The following RPS6KA2 variants were observed in gnomAD, a reference collection of about 807,000 sequenced individuals.
RPS6KA2 encodes ribosomal protein S6 kinase A2.
Under a neutral mutation model 91.8 loss-of-function variants are expected in RPS6KA2, and 42 were observed. The ratio of observed to expected loss-of-function variants is 0.46; its 90% confidence interval spans 0.36 to 0.59. The LOEUF is 0.59. Among genes scored for constraint, RPS6KA2 ranks in the 20% least tolerant of loss-of-function variants. The pLI is 0.00. For synonymous variants in RPS6KA2, 414 were observed against 393.6 expected, an observed-to-expected ratio of 1.05 and a Z score of -0.61; for missense variants, 798 against 978.5, an observed-to-expected ratio of 0.82 and a Z score of 2.46.
intron 2 of RPS6KA2, among the ~76,000 whole-genome samples, chr6:166,833,381 T>G (rs1780235787): frequency 6.6e-6 from 1 of 152,258 alleles, no homozygotes; most frequent in Non-Finnish European, 1.5e-5. Context: ...CTAGAGTTTA[T>G]GTTTTTCTAA....
chr6:166,561,885 C>A (rs543858632), intron 1 of RPS6KA2, among the ~76,000 whole-genome samples: 3 of 152,240 alleles, frequency 2.0e-5, no homozygotes, highest in East Asian at 1.9e-4. Flanking sequence ...TACCAAACAG[C>A]ATGAGGGAGG....
chr6:166,491,425 T>A (rs1186515802), intron 8 of RPS6KA2, among the ~76,000 whole-genome samples: 3 of 152,188 alleles, frequency 2.0e-5, no homozygotes, highest in Admixed American at 1.3e-4. Context: ...ACACACACTC[T>A]GGAAGCAGTG....
Position 166,434,025 on chromosome 6 carries a change from G to A in RPS6KA2, c.1333-1535C>T, listed in dbSNP as rs747766518. 1.2e-4 allele frequency among the ~76,000 whole-genome samples: 18 copies of A among 152,158 alleles called. No individual in the cohort carries two copies. The highest frequency in any genetic ancestry group is 1.3e-4 in the Non-Finnish European group (9 of 68,016). On this transcript the variant is annotated intron_variant, in intron 14 of 20. Coordinates refer to ENST00000265678, the MANE Select transcript of RPS6KA2 (RefSeq NM_021135.6). This position sits in a 1 kb window ranked among gnomAD's most constrained non-coding sequence, Gnocchi z 4.4. ...TCCTCCTGCCTCAGCCTCCCAAAGT[G>A]CTGAGATTACAGGCATGAGCAACTA...
intron 14 of RPS6KA2, among the ~76,000 whole-genome samples, chr6:166,440,864 C>T (rs538256864): frequency 6.6e-6 from 1 of 152,258 alleles, no homozygotes; most frequent in South Asian, 2.1e-4. Context: ...CAAGTGCCGC[C>T]GGTGAGTATT....
At chr6:166,413,737 G>A in intron 20 of RPS6KA2, 57 bp downstream of exon 20, 1 of 1,579,150 alleles carries the variant, frequency 6.3e-7, no homozygotes, top group South Asian at 1.1e-5. Flanking sequence ...AAGGTATCAG[G>A]CTCTTTTCTG....
intron 2 of RPS6KA2, among the ~76,000 whole-genome samples, chr6:166,741,863 G>A (rs1487205567): frequency 2.6e-5 from 4 of 152,162 alleles, no homozygotes; most frequent in South Asian, 2.1e-4. Flanking sequence ...GCAGTGGCTC[G>A]CACCTGTAAT....
intron 16 of RPS6KA2, among the ~76,000 whole-genome samples, chr6:166,429,411 C>T (rs1193647855): frequency 1.3e-5 from 2 of 151,898 alleles, no homozygotes; most frequent in Non-Finnish European, 2.9e-5. Context: ...ACATTGTGCA[C>T]ATGTACCTAA....
chr6:166,556,416 C>T (rs899578966), intron 1 of RPS6KA2, among the ~76,000 whole-genome samples: 16 of 152,204 alleles, frequency 1.1e-4, no homozygotes, highest in African/African-American at 7.2e-5. Context: ...ATTCCCATAG[C>T]CACTGAAAGA....
rs543096080 is a variant in RPS6KA2, at chr6:166,637,984, G to C, written c.124-99200C>G. 2.6e-5 allele frequency among the ~76,000 whole-genome samples: 4 copies of C among 152,358 alleles called. No individual in the cohort carries two copies. In the East Asian group the frequency reaches 7.7e-4, roughly 29 times the overall value. On this transcript the variant is annotated intron_variant, in intron 2 of 21. Coordinates refer to the RPS6KA2 transcript ENST00000503859. ...GAACACTGGCGCTAAGCAGGGGGCC[G>C]GGAGCGTGGGAAATCCTCTGGGAGT...
At position 166,647,850 on chromosome 6, in the gene RPS6KA2, G is replaced by A. The variant is rs1396697448; in HGVS notation, c.124-109066C>T. ...CATGCACATGCTCACACACGCACAC[G>A]CACATGCTCATACACACATGCACAT... On this transcript the variant is annotated intron_variant, in intron 2 of 21. Coordinates refer to the RPS6KA2 transcript ENST00000503859. 3.3e-4 allele frequency among the ~76,000 whole-genome samples: 23 copies of A among 68,900 alleles called. 1 individual carries two copies. Among genetic ancestry groups the A allele is most frequent in the East Asian group, 1.0e-3 (2 of 2,000 alleles). The allele number at this position is 68,900 out of a possible 152,430, so 45.2% of individuals were successfully genotyped here. A position where few individuals can be genotyped will look rare whatever the true frequency, so the allele number is the denominator to read the frequency against.
chr6:166,617,386 C>A (rs1026899696), intron 1 of RPS6KA2, among the ~76,000 whole-genome samples: 2 of 152,012 alleles, frequency 1.3e-5, no homozygotes, highest in Non-Finnish European at 2.9e-5. Context: ...CAAAGTTGTT[C>A]GGGGATTTTT....
At chr6:166,663,131 T>C (rs1443321237) in intron 2 of RPS6KA2, among the ~76,000 whole-genome samples, 9 of 152,110 alleles carry the variant, frequency 5.9e-5, no homozygotes, top group Admixed American at 5.9e-4. Context: ...AGCAGACTAA[T>C]ATGTTAACAG....
chr6:166,687,559 T>C (rs1789063220), intron 2 of RPS6KA2, among the ~76,000 whole-genome samples: 1 of 152,156 alleles, frequency 6.6e-6, no homozygotes, highest in African/African-American at 2.4e-5. Flanking sequence ...GACTGAAGAA[T>C]TCAACTATTG....
At chr6:166,801,856 G>C (rs946960059) in intron 2 of RPS6KA2, among the ~76,000 whole-genome samples, 1 of 151,988 alleles carries the variant, frequency 6.6e-6, no homozygotes, top group Non-Finnish European at 1.5e-5. Flanking sequence ...TGTGTGAATG[G>C]TTTATAATTG....
chr6:166,771,720 G>A (rs150897609), intron 2 of RPS6KA2, among the ~76,000 whole-genome samples: 24 of 152,312 alleles, frequency 1.6e-4, no homozygotes, highest in Non-Finnish European at 2.9e-4. Context: ...TGCCCCTACT[G>A]ATGACTGCGG....
chr6:166,435,559 G>A lies in RPS6KA2; in HGVS notation c.1333-3069C>T, dbSNP rs1374323238. ...GCTGTTCGCTGAGGTGGCATTTGGGGAAATGGAGGAAAATGAAAGAAGCTC... is the reference window on the plus strand; with the variant it reads ...GCTGTTCGCTGAGGTGGCATTTGGGAAAATGGAGGAAAATGAAAGAAGCTC... On this transcript the variant is annotated intron_variant, in intron 14 of 20. Transcript: ENST00000265678. The surrounding 1 kb of genome is among the most constrained non-coding windows in gnomAD (Gnocchi z 4.3). 6.6e-6 allele frequency among the ~76,000 whole-genome samples: 1 copy of A among 152,258 alleles called. No homozygotes were observed. The highest frequency in any genetic ancestry group is 1.9e-4 in the East Asian group (1 of 5,198).
At chr6:166,777,876 T>C (rs140191041) in intron 2 of RPS6KA2, among the ~76,000 whole-genome samples, 9 of 152,166 alleles carry the variant, frequency 5.9e-5, no homozygotes, top group East Asian at 1.9e-4. Flanking sequence ...TTATAAGCTA[T>C]AAAAGAGACA....
intron 3 of RPS6KA2, among the ~76,000 whole-genome samples, chr6:166,521,666 G>A (rs574503251): frequency 2.0e-5 from 3 of 152,302 alleles, no homozygotes; most frequent in South Asian, 2.1e-4. Context: ...CAGAGAGATC[G>A]CAGAGATACT....
At chr6:166,595,342 G>A (rs1035432291) in intron 1 of RPS6KA2, among the ~76,000 whole-genome samples, 6 of 152,172 alleles carry the variant, frequency 3.9e-5, no homozygotes, top group East Asian at 1.9e-4. Flanking sequence ...ATGAGCCACC[G>A]TGCCCAGCCA....
Sources: allele counts gnomAD v4.1 joint callset (sites outside exome capture counted in the v4.1 genomes callset), GRCh38; gene constraint gnomAD v4.1.1; non-coding constraint Gnocchi (gnomAD v3.1); transcripts MANE v1.5; gene names NCBI Gene and HGNC (gene_info 2026-07-23, HGNC 2026-07-21).